The following SVIL variants were observed in gnomAD, a reference collection of about 807,000 sequenced individuals.
SVIL encodes the protein archvillin.
SVIL carries 101 observed loss-of-function variants against 240.4 expected under a neutral mutation model. That is an observed-to-expected ratio of 0.42 (90% CI 0.36 to 0.50). SVIL has a LOEUF of 0.50. Ranked by LOEUF, SVIL falls within the 20% of genes least tolerant of loss-of-function variation. The pLI is 0.01. For synonymous variants in SVIL, 999 were observed against 1,100.0 expected (o/e 0.91, Z 1.82); for missense variants, 2,512 against 2,818.7 (o/e 0.89, Z 2.46).
rs771031793 is a variant in SVIL, at chr10:29,550,940, C to G, written c.484G>C (p.Asp162His). The change falls in exon 6 of 38, where the codon GAT becomes CAT. Residue 162 changes from aspartate (D) to histidine (H), a missense_variant. Physicochemically the swap from Asp to His is moderately conservative, Grantham distance 81. Around this residue, in one of 3 missense-constraint regions of SVIL, gnomAD observed 1,443 missense variants for 1,486.6 expected, o/e 0.97. Transcript: ENST00000355867. ...KSDKQEESSR[D>H]ASSLYPGTET... ...GTCCCGGGGTACAGAGAACTAGCAT[C>G]TCTGCTTGACTCTTCCTGTTTGTCA... is the stretch of plus-strand genomic sequence containing the variant. The G allele has an allele frequency of 6.2e-7, 1 of 1,614,124 alleles. No individual in the cohort carries two copies. The highest frequency in any genetic ancestry group is 8.5e-7 in the Non-Finnish European group (1 of 1,180,028).
At chr10:29,566,871 G>A (rs1240283886) in intron 2 of SVIL, among the ~76,000 whole-genome samples, 2 of 152,090 alleles carry the variant, frequency 1.3e-5, no homozygotes, top group African/African-American at 4.8e-5. Context: ...ACTTCCCCAG[G>A]GACAAAGGGG....
At chr10:29,480,925 C>T in intron 28 of SVIL, 112 bp from the exon 29 acceptor site, 1 of 1,275,972 alleles carries the variant, frequency 7.8e-7, no homozygotes, top group Non-Finnish European at 1.1e-6. Context: ...ACAGCTTCCA[C>T]ACTCTGTCTC....
intron 29 of SVIL, among the ~76,000 whole-genome samples, chr10:29,474,234 C>T (rs1945916690): frequency 6.6e-6 from 1 of 152,180 alleles, no homozygotes; most frequent in Non-Finnish European, 1.5e-5. Context: ...GAGGGGCCCT[C>T]TTGGTGCCCT....
At chr10:29,604,425 T>C (rs903986833) in intron 1 of SVIL, among the ~76,000 whole-genome samples, 21 of 146,202 alleles carry the variant, frequency 1.4e-4, no homozygotes, top group Non-Finnish European at 7.5e-5. Context: ...TTTTGCCACG[T>C]TGGCCAGGCT....
chr10:29,567,476 T>C (rs539498223), intron 2 of SVIL, among the ~76,000 whole-genome samples: 129 of 152,342 alleles, frequency 8.5e-4, no homozygotes, highest in African/African-American at 2.9e-3. Context: ...AAGCAGGCTC[T>C]TGTACCTCCA....
intron 17 of SVIL, among the ~76,000 whole-genome samples, chr10:29,510,239 G>A (rs1298435966): frequency 8.0e-4 from 122 of 152,290 alleles, no homozygotes; most frequent in African/African-American, 2.8e-3. Flanking sequence ...GATGCTGGCT[G>A]GAGCCCCTCA....
intron 1 of SVIL, among the ~76,000 whole-genome samples, chr10:29,711,085 A>G (rs1963239378): frequency 6.6e-6 from 1 of 151,740 alleles, no homozygotes; most frequent in African/African-American, 2.4e-5. Flanking sequence ...AGGCACACAC[A>G]CCAAAAAAAC....
At position 29,647,984 on chromosome 10, in the gene SVIL, A is replaced by C. The variant is rs1463452574; in HGVS notation, c.-201+9985T>G. Among the ~76,000 whole-genome samples the C allele has an allele frequency of 9.0e-4, 136 of 150,776 alleles. No homozygotes were observed. The Middle Eastern group carries it at 0.01, about 11-fold the overall frequency. ...TTTTGTCAATATCAAAAAAAAAAAA[A>C]ACAAAAAAAATCATTACCAGAAAAA... is the stretch of plus-strand genomic sequence containing the variant. On this transcript the variant is annotated intron_variant, in intron 3 of 35. Coordinates refer to the SVIL transcript ENST00000375400.
chr10:29,592,667 T>TA (rs1265225417), intron 1 of SVIL, among the ~76,000 whole-genome samples: 2 of 152,246 alleles, frequency 1.3e-5, no homozygotes, highest in Admixed American at 6.5e-5. Flanking sequence ...AAAGTAAGCA[T>TA]AAAAAATCAA....
At chr10:29,581,461 A>G (rs1955942475) in intron 1 of SVIL, among the ~76,000 whole-genome samples, 1 of 152,232 alleles carries the variant, frequency 6.6e-6, no homozygotes, top group South Asian at 2.1e-4. Context: ...ATCACTGCAT[A>G]AGGTAATTTG....
intron 17 of SVIL, among the ~76,000 whole-genome samples, chr10:29,505,143 C>T (rs533475015): frequency 2.6e-5 from 4 of 152,106 alleles, no homozygotes; most frequent in South Asian, 2.1e-4. Flanking sequence ...GCCAACATGG[C>T]GAAACCCCAT....
At chr10:29,482,200 T>A (rs755282703) in intron 27 of SVIL, among the ~76,000 whole-genome samples, 64 of 152,170 alleles carry the variant, frequency 4.2e-4, no homozygotes, top group Non-Finnish European at 8.5e-4. Context: ...AGCTAATTTT[T>A]GTATTTTTTT....
chr10:29,684,151 T>C (rs1960879113), intron 2 of SVIL, among the ~76,000 whole-genome samples: 1 of 152,128 alleles, frequency 6.6e-6, no homozygotes, highest in African/African-American at 2.4e-5. Flanking sequence ...GAAGATTCAG[T>C]TTGACCAACT....
At chr10:29,561,313 T>C (rs1362343638) in intron 3 of SVIL, among the ~76,000 whole-genome samples, 2 of 152,118 alleles carry the variant, frequency 1.3e-5, no homozygotes, top group African/African-American at 2.4e-5. Context: ...CAGATGAAGT[T>C]ACCATTTGTT....
intron 1 of SVIL, among the ~76,000 whole-genome samples, chr10:29,696,610 T>C (rs1219727959): frequency 6.9e-6 from 1 of 145,846 alleles, no homozygotes; most frequent in African/African-American, 2.6e-5. Context: ...CGCCGCCCCG[T>C]CTGGGATGTG....
upstream of SVIL, chr10:29,735,886 C>T (rs1217827577): frequency 6.6e-6 from 1 of 152,092 alleles, no homozygotes; most frequent in African/African-American, 2.4e-5. The surrounding 1 kb of genome is among the most constrained non-coding windows in gnomAD (Gnocchi z 4.1). Context: ...GGTCCCCGCT[C>T]GGGATGATTC....
Position 29,531,284 on chromosome 10 carries a change from T to G in SVIL, c.2014A>C (p.Thr672Pro). ...SAERKESDRC[T>P]SHSETPTVDD... ...ACAGTTGGCGTTTCTGAATGTGAAG[T>G]GCACCTAGGAAAGACATTAGCAAAT... The change falls in exon 10 of 38, where the codon ACT becomes CCT. Residue 672 changes from threonine (T) to proline (P), a missense_variant. Thr to Pro is a conservative substitution (Grantham distance 38, BLOSUM62 -1). Around this residue, in one of 3 missense-constraint regions of SVIL, gnomAD observed 1,443 missense variants for 1,486.6 expected, o/e 0.97. Transcript: ENST00000355867. 1.2e-6 allele frequency: 2 copies of G among 1,613,848 alleles called. No homozygotes were observed. Among genetic ancestry groups the G allele is most frequent in the South Asian group, 1.1e-5 (1 of 90,996 alleles).
At chr10:29,650,224 A>G (rs1198791478) in intron 3 of SVIL, among the ~76,000 whole-genome samples, 2 of 152,220 alleles carry the variant, frequency 1.3e-5, no homozygotes, top group East Asian at 3.8e-4. Flanking sequence ...TTTTCTCAAG[A>G]GAAGAGAAAG....
chr10:29,712,070 A>G (rs1342120456), intron 1 of SVIL: 1 of 152,202 alleles, frequency 6.6e-6, no homozygotes, highest in Non-Finnish European at 1.5e-5. Flanking sequence ...ATTAAGAACT[A>G]TCTATTTTGA....
Sources: allele counts gnomAD v4.1 joint callset (sites outside exome capture counted in the v4.1 genomes callset), GRCh38; gene constraint gnomAD v4.1.1; regional missense constraint gnomAD v4.1.1; non-coding constraint Gnocchi (gnomAD v3.1); transcripts MANE v1.5; gene names NCBI Gene and HGNC (gene_info 2026-07-23, HGNC 2026-07-21).